Variants in CCDC68 observed in about 807,000 individuals in gnomAD.
CCDC68 encodes the protein coiled-coil domain containing 68.
CCDC68 carries 45 observed loss-of-function variants against 47.1 expected under a neutral mutation model. The ratio of observed to expected loss-of-function variants is 0.96; its 90% CI spans 0.75 to 1.23. The LOEUF is 1.23. CCDC68 is among the 50% of genes most tolerant of loss of function. CCDC68 has a pLI of 0.00. For synonymous variants in CCDC68, 131 were observed against 129.5 expected (o/e 1.01, Z -0.08); for missense variants, 353 against 373.6 (o/e 0.94, Z 0.45).
chr18:54,941,443 A>G (rs894564314), intron 3 of CCDC68, among the ~76,000 whole-genome samples: 1 of 152,122 alleles, frequency 6.6e-6, no homozygotes, highest in Non-Finnish European at 1.5e-5. Flanking sequence ...TTACTATAAA[A>G]CAATTACTAC....
At chr18:54,950,801 T>C (rs1269329488) in intron 1 of CCDC68, among the ~76,000 whole-genome samples, 5 of 87,530 alleles carry the variant, frequency 5.7e-5, no homozygotes, top group Non-Finnish European at 1.1e-4. Context: ...TATATATATA[T>C]ATGATGCAAT....
chr18:54,938,864 A>G (rs2044392611), intron 4 of CCDC68, among the ~76,000 whole-genome samples: 1 of 152,352 alleles, frequency 6.6e-6, no homozygotes, highest in Middle Eastern at 3.4e-3. Flanking sequence ...TACAATTATA[A>G]TAACAGCTTC....
At chr18:54,912,585 G>A (rs1025081499) in intron 10 of CCDC68, among the ~76,000 whole-genome samples, 5 of 152,006 alleles carry the variant, frequency 3.3e-5, no homozygotes, top group Non-Finnish European at 5.9e-5. Context: ...GTTATAACCA[G>A]GTGTTTAAAA....
At chr18:54,920,394 C>A (rs747855904) in intron 8 of CCDC68, among the ~76,000 whole-genome samples, 1 of 152,020 alleles carries the variant, frequency 6.6e-6, no homozygotes, top group African/African-American at 2.4e-5. Flanking sequence ...GCATGCACCA[C>A]CACACCTGGC....
chr18:54,917,050 T>C (rs1020126927), intron 10 of CCDC68, among the ~76,000 whole-genome samples: 1 of 152,192 alleles, frequency 6.6e-6, no homozygotes, highest in African/African-American at 2.4e-5. Context: ...AACTTCTTTT[T>C]CTTTATAAGT....
At chr18:54,950,955 C>A (rs1269490687) in intron 1 of CCDC68, among the ~76,000 whole-genome samples, 1 of 114,704 alleles carries the variant, frequency 8.7e-6, no homozygotes, top group Non-Finnish European at 1.6e-5. Context: ...GTCGCCCAGG[C>A]TGGAGTGCAG....
intron 7 of CCDC68, among the ~76,000 whole-genome samples, chr18:54,930,744 G>T (rs1299989852): frequency 6.9e-6 from 1 of 143,982 alleles, no homozygotes; most frequent in Non-Finnish European, 1.5e-5. Context: ...TTTATACAGA[G>T]TTTTGCTCTT....
intron 1 of CCDC68, among the ~76,000 whole-genome samples, chr18:54,953,902 C>T (rs1467252174): frequency 1.3e-5 from 2 of 151,926 alleles, no homozygotes; most frequent in Admixed American, 6.6e-5. Flanking sequence ...TCATATTTGT[C>T]CATCTGCACA....
chr18:54,930,039 T>C (rs986967370), intron 7 of CCDC68, among the ~76,000 whole-genome samples: 16 of 152,212 alleles, frequency 1.1e-4, no homozygotes, highest in Admixed American at 6.5e-4. Context: ...TGAAGTTGCA[T>C]GTAAATTTGT....
intron 9 of CCDC68, 70 bp downstream of exon 9, chr18:54,919,201 A>G: frequency 8.4e-7 from 1 of 1,189,166 alleles, no homozygotes; most frequent in Non-Finnish European, 1.3e-6. Context: ...AGTCCAGTCA[A>G]GCCACTCGTA....
At position 54,934,940 on chromosome 18, in the gene CCDC68, C is replaced by A. The variant is rs374594138; in HGVS notation, c.480G>T (p.Lys160Asn). The A allele has an allele frequency of 7.4e-5, 118 of 1,588,956 alleles. No homozygotes were observed. The highest frequency in any genetic ancestry group is 8.9e-5 in the Non-Finnish European group (104 of 1,170,140). Reference sequence around the variant, plus strand: ...GTTTCAATTTCTGTTCTTTTTCAAGCTTGTTAACCTATGGTCAGAGAATCA... The same window carrying A: ...GTTTCAATTTCTGTTCTTTTTCAAGATTGTTAACCTATGGTCAGAGAATCA... The part of the protein sequence containing the change: ...EDSKQLLQVN[K>N]LEKEQKLKQH... Residue 160 changes from lysine (K) to asparagine (N), a missense_variant, in exon 7 of 12, where the codon AAG becomes AAT. By Grantham distance (94) the Lys-to-Asn change is moderately conservative. Coordinates refer to ENST00000591504, the MANE Select transcript of CCDC68 (RefSeq NM_025214.3).
chr18:54,910,266 T>G (rs1914280181), intron 10 of CCDC68, among the ~76,000 whole-genome samples: 1 of 152,254 alleles, frequency 6.6e-6, no homozygotes, highest in Middle Eastern at 3.4e-3. Context: ...TCTGTGCAGC[T>G]CTCATCAAAG....
At chr18:54,944,993 CAT>C (rs1320391401) in intron 2 of CCDC68, among the ~76,000 whole-genome samples, 3 of 152,118 alleles carry the variant, frequency 2.0e-5, no homozygotes, top group Non-Finnish European at 4.4e-5. Flanking sequence ...AACTGGATAA[CAT>C]GTGATGTTAA....
In CCDC68 at chr18:54,907,316, T is replaced by C. The variant is rs995936871; in HGVS notation, c.950+470A>G. Among the ~76,000 whole-genome samples the C allele has an allele frequency of 2.0e-5, 3 of 152,192 alleles. No homozygotes were observed. The South Asian group carries it at 6.2e-4, about 32-fold the overall frequency. ...ATTATTAGATAGCTGTTGAAGAACC[T>C]TGTCCTTAGCAATGCAGGAAATTAA... On this transcript the variant is annotated intron_variant, in intron 11 of 11. Transcript: ENST00000591504.
At position 54,942,947 on chromosome 18, in the gene CCDC68, T is replaced by C. The variant is rs1345315337; in HGVS notation, c.-12-144A>G. The C allele has an allele frequency of 7.0e-5, 36 of 511,160 alleles. 1 individual carries two copies. In the East Asian group the frequency reaches 1.3e-3, roughly 19 times the overall value. 31.7% of individuals were successfully genotyped at this position (511,160 alleles called of 1,614,324 possible). ...AATCATTGGTATCTGTATATATTCATAAATCCAGGAATTAATTTAATATAA... is the reference window on the plus strand; with the variant it reads ...AATCATTGGTATCTGTATATATTCACAAATCCAGGAATTAATTTAATATAA... On this transcript the variant is annotated intron_variant, in intron 2 of 11. Transcript: ENST00000591504.
In CCDC68 at chr18:54,955,529, G is replaced by A. The variant is rs113016016; in HGVS notation, c.-103+3807C>T. Among the ~76,000 whole-genome samples, 648 of 152,276 alleles carry A rather than the reference G, an allele frequency of 4.3e-3. 6 individuals carry two copies. Among genetic ancestry groups the A allele is most frequent in the African/African-American group, 0.014 (595 of 41,546 alleles). ...TTCCTAAGAGGATATTTAAGCATAA[G>A]TTGTGAAGCATGACCCGCCCCCACC... On this transcript the variant is annotated intron_variant, in intron 1 of 11. Coordinates refer to ENST00000591504, the MANE Select transcript of CCDC68 (RefSeq NM_025214.3).
At chr18:54,957,356 A>T (rs181086535) in intron 1 of CCDC68, among the ~76,000 whole-genome samples, 158 of 152,338 alleles carry the variant, frequency 1.0e-3, no homozygotes, top group African/African-American at 3.7e-3. Flanking sequence ...CACTGTCGAA[A>T]TTGAATGGAT....
intron 7 of CCDC68, among the ~76,000 whole-genome samples, chr18:54,933,172 C>G (rs1394372020): frequency 6.6e-6 from 1 of 152,128 alleles, no homozygotes; most frequent in African/African-American, 2.4e-5. Flanking sequence ...ACCTCCGCCT[C>G]CTGGGTTCAA....
intron 1 of CCDC68, among the ~76,000 whole-genome samples, chr18:54,948,343 A>G (rs963838626): frequency 6.6e-6 from 1 of 152,158 alleles, no homozygotes; most frequent in Admixed American, 6.5e-5. Context: ...TCTGCATGCC[A>G]AGGAACACCA....
Sources: gnomAD v4.1 joint callset for allele counts (sites outside exome capture counted in the v4.1 genomes callset) on GRCh38, gnomAD v4.1.1 for gene constraint, MANE v1.5 for transcripts, NCBI Gene and HGNC (gene_info 2026-07-23, HGNC 2026-07-21) for gene names.